The following ZNF423 variants were observed in gnomAD, a reference collection of about 807,000 sequenced individuals.
The protein encoded by ZNF423 is zinc finger protein 423.
Under a neutral mutation model 95.8 loss-of-function variants are expected in ZNF423, and 12 were observed. The ratio of observed to expected loss-of-function variants is 0.13; its 90% CI spans 0.08 to 0.20. The LOEUF is 0.20. Among genes scored for constraint, ZNF423 ranks in the 10% least tolerant of loss-of-function variants. The pLI, the probability that ZNF423 is intolerant of heterozygous loss-of-function variation, is 1.00. For missense variants in ZNF423, 1,316 were observed against 1,737.1 expected (o/e 0.76, Z 4.31); for synonymous variants, 749 against 711.9 (o/e 1.05, Z -0.83).
chr16:49,826,067 C>T (rs1284033670), intron 1 of ZNF423, among the ~76,000 whole-genome samples: 2 of 152,158 alleles, frequency 1.3e-5, no homozygotes, highest in African/African-American at 4.8e-5. Context: ...CAAAAATTAG[C>T]CAGGTGTGGT....
At chr16:49,628,955 A>G (rs952068419) in intron 4 of ZNF423, among the ~76,000 whole-genome samples, 3 of 152,280 alleles carry the variant, frequency 2.0e-5, no homozygotes, top group Admixed American at 2.0e-4. Context: ...GAGGGGTGGT[A>G]TTGGAATCAC....
At chr16:49,616,806 A>G (rs1971890239) in intron 5 of ZNF423, among the ~76,000 whole-genome samples, 1 of 152,184 alleles carries the variant, frequency 6.6e-6, no homozygotes, top group Admixed American at 6.5e-5. Flanking sequence ...GCTGATAAGC[A>G]CTGACATCTG....
chr16:49,845,948 T>C (rs1292357881), intron 1 of ZNF423, among the ~76,000 whole-genome samples: 1 of 152,024 alleles, frequency 6.6e-6, no homozygotes, highest in Non-Finnish European at 1.5e-5. Flanking sequence ...ATGGGGCTGC[T>C]GGAGGGACTG....
intron 1 of ZNF423, among the ~76,000 whole-genome samples, chr16:49,817,152 T>C (rs1459337153): frequency 1.3e-5 from 2 of 152,202 alleles, no homozygotes; most frequent in Non-Finnish European, 2.9e-5. Context: ...AACTTTTGGC[T>C]GCCAAGTAGC....
chr16:49,784,303 G>A (rs2034274517), intron 2 of ZNF423, among the ~76,000 whole-genome samples: 1 of 152,222 alleles, frequency 6.6e-6, no homozygotes, highest in South Asian at 2.1e-4. Flanking sequence ...AGGGGAGGCT[G>A]AGGCAGGAGG....
intron 5 of ZNF423, among the ~76,000 whole-genome samples, chr16:49,598,772 A>G (rs960748171): frequency 3.9e-5 from 6 of 152,266 alleles, no homozygotes; most frequent in Admixed American, 3.9e-4. Flanking sequence ...GGAAATATCC[A>G]GGGAAAAACT....
At position 49,756,907 on chromosome 16, in the gene ZNF423, T is replaced by C. The variant is rs145737742; in HGVS notation, c.101-25936A>G. Among the ~76,000 whole-genome samples, 369 of 152,346 alleles carry C rather than the reference T, an allele frequency of 2.4e-3. 1 individual carries two copies. The Middle Eastern group carries it at 0.034, about 14-fold the overall frequency. ...GCCTCAGAACCCATGTCCACATGGC[T>C]GCATAATTCCTTGTTTTCTTCTAGA... On this transcript the variant is annotated intron_variant, in intron 2 of 7. Transcript: ENST00000563137.
At chr16:49,673,250 C>A (rs991617880) in intron 3 of ZNF423, among the ~76,000 whole-genome samples, 4 of 152,184 alleles carry the variant, frequency 2.6e-5, no homozygotes, top group Non-Finnish European at 5.9e-5. Context: ...GAGTGGTGAC[C>A]CCATCCCATC....
chr16:49,684,118 C>G (rs2031474494), intron 3 of ZNF423, among the ~76,000 whole-genome samples: 1 of 152,186 alleles, frequency 6.6e-6, no homozygotes, highest in African/African-American at 2.4e-5. Context: ...GACCACAGAC[C>G]ACAGATGCAG....
intron 1 of ZNF423, among the ~76,000 whole-genome samples, chr16:49,842,022 A>G (rs2035187157): frequency 6.6e-6 from 1 of 151,838 alleles, no homozygotes. Flanking sequence ...GGATCACCTG[A>G]GGTCAGTAGC....
chr16:49,554,744 C>G (rs912317814), intron 5 of ZNF423, among the ~76,000 whole-genome samples: 1 of 151,820 alleles, frequency 6.6e-6, no homozygotes, highest in Non-Finnish European at 1.5e-5. Context: ...AGGAAATTTG[C>G]AAAATACAAA....
intron 1 of ZNF423, among the ~76,000 whole-genome samples, chr16:49,836,761 T>TC (rs1053035064): frequency 5.9e-5 from 9 of 151,900 alleles, no homozygotes; most frequent in African/African-American, 1.9e-4. Context: ...ATGCTCCTTC[T>TC]CCCCCACTGA....
At position 49,636,847 on chromosome 16, in the gene ZNF423, C is replaced by T. The variant is rs974936786; in HGVS notation, c.2329G>A (p.Val777Ile). 3.1e-6 allele frequency: 5 copies of T among 1,614,038 alleles called. No homozygotes were observed. Among genetic ancestry groups the T allele is most frequent in the Non-Finnish European group, 3.4e-6 (4 of 1,180,014 alleles). The change falls in exon 4 of 8, where the codon GTC becomes ATC. Residue 777 changes from valine to isoleucine, a missense_variant. Coordinates refer to ENST00000563137, the MANE Select transcript of ZNF423 (RefSeq NM_001379286.1). The surrounding 1 kb of genome is among the most constrained non-coding windows in gnomAD (Gnocchi z 8.6). ...GGGTTGCCCAGGTGGCTGTGTTTGA[C>T]GTGCACCTGCAGGTCAGCCTCCTTG... is the stretch of plus-strand genomic sequence containing the variant. ...FRKEADLQVH[V>I]KHSHLGNPAK...
chr16:49,812,476 T>G (rs1293603980), intron 1 of ZNF423, among the ~76,000 whole-genome samples: 1 of 152,116 alleles, frequency 6.6e-6, no homozygotes, highest in Admixed American at 6.5e-5. Flanking sequence ...GGTGGATCTT[T>G]GGAGGCCCAG....
chr16:49,772,882 G>A (rs184968536), intron 2 of ZNF423, among the ~76,000 whole-genome samples: 97 of 152,308 alleles, frequency 6.4e-4, no homozygotes, highest in African/African-American at 2.1e-3. Flanking sequence ...TAAAGAAAGA[G>A]GTTTATTGAC....
chr16:49,842,309 GAGGGAAGGGAAGGGAAGGGA>G (rs541466648), intron 1 of ZNF423, among the ~76,000 whole-genome samples: 21 of 20,394 alleles, frequency 1.0e-3, no homozygotes, highest in East Asian at 1.4e-3. Flanking sequence ...GAGGGGAGGC[GAGGGAAGGGAAGGGAAGGGA>G]AGGGAAGGGA....
Position 49,514,706 on chromosome 16 carries a change from T to C in ZNF423, c.3849+8918A>G, listed in dbSNP as rs536891562. On this transcript the variant is annotated intron_variant, in intron 7 of 7. Coordinates refer to ENST00000563137, the MANE Select transcript of ZNF423 (RefSeq NM_001379286.1). ...ATTAGGCACACACAAGCAAACAGCA[T>C]GAGCTAATCCTTTAAATGCGCCCGC... Among the ~76,000 whole-genome samples, 8 of 152,324 alleles carry C rather than the reference T, an allele frequency of 5.3e-5. No homozygotes were observed. In the East Asian group the frequency reaches 1.2e-3, roughly 22 times the overall value.
At chr16:49,839,245 G>A (rs2035156916) in intron 1 of ZNF423, among the ~76,000 whole-genome samples, 1 of 151,538 alleles carries the variant, frequency 6.6e-6, no homozygotes, top group Admixed American at 6.6e-5. Flanking sequence ...CCCACCTCCC[G>A]TCCTGGAAAT....
At chr16:49,789,164 A>G (rs555623384) in intron 2 of ZNF423, among the ~76,000 whole-genome samples, 16 of 152,284 alleles carry the variant, frequency 1.1e-4, no homozygotes, top group African/African-American at 3.6e-4. Context: ...TTATGCAATT[A>G]GATTGGAATG....
Sources: gnomAD v4.1 joint callset for allele counts (sites outside exome capture counted in the v4.1 genomes callset) on GRCh38, gnomAD v4.1.1 for gene constraint, Gnocchi (gnomAD v3.1) non-coding constraint, MANE v1.5 for transcripts, NCBI Gene and HGNC (gene_info 2026-07-23, HGNC 2026-07-21) for gene names.